Variants in IQSEC1 observed in about 807,000 individuals in gnomAD.
The protein encoded by IQSEC1 is IQ motif and Sec7 domain ArfGEF 1.
IQSEC1 carries 31 observed loss-of-function variants against 91.0 expected under a neutral mutation model. The ratio of observed to expected loss-of-function variants is 0.34; its 90% CI spans 0.26 to 0.46. IQSEC1 has a LOEUF of 0.46. Ranked by LOEUF, IQSEC1 falls within the 20% of genes least tolerant of loss-of-function variation. The pLI is 1.00. For synonymous variants in IQSEC1, 699 were observed against 662.6 expected, an observed-to-expected ratio of 1.05 and a Z score of -0.84; for missense variants, 1,388 against 1,575.6, an observed-to-expected ratio of 0.88 and a Z score of 2.02.
At chr3:13,047,462 G>A (rs1308513099) in intron 1 of IQSEC1, 13 of 985,152 alleles carry the variant, frequency 1.3e-5, no homozygotes, top group Non-Finnish European at 1.6e-5. Context: ...GGCTGGGGTG[G>A]ACGGCAAGAC....
At chr3:12,954,650 C>T (rs1699782981) in intron 1 of IQSEC1, among the ~76,000 whole-genome samples, 1 of 152,240 alleles carries the variant, frequency 6.6e-6, no homozygotes, top group Non-Finnish European at 1.5e-5. Flanking sequence ...ATTTCTGTCT[C>T]TCCCCTTGAG....
intron 1 of IQSEC1, among the ~76,000 whole-genome samples, chr3:12,993,703 T>C (rs1702097397): frequency 6.6e-6 from 1 of 152,088 alleles, no homozygotes; most frequent in Admixed American, 6.5e-5. Context: ...GGCTTCTGCG[T>C]CCTCACCGCT....
chr3:13,007,200 C>T (rs891716076), intron 1 of IQSEC1, among the ~76,000 whole-genome samples: 2 of 152,180 alleles, frequency 1.3e-5, no homozygotes, highest in African/African-American at 4.8e-5. Context: ...CAGACAGAGC[C>T]CAAGGCACTT....
At chr3:13,096,000 T>C (rs892114319) in intron 2 of IQSEC1, among the ~76,000 whole-genome samples, 4 of 152,186 alleles carry the variant, frequency 2.6e-5, no homozygotes, top group African/African-American at 7.2e-5. Context: ...CCAAGCTCCA[T>C]GGCTTCAATC....
intron 2 of IQSEC1, among the ~76,000 whole-genome samples, chr3:12,939,875 A>C (rs774901621): frequency 5.3e-5 from 8 of 152,162 alleles, no homozygotes; most frequent in Non-Finnish European, 1.2e-4. Flanking sequence ...CTGCCTCTGC[A>C]TTGCTAACTT....
rs999088211 is a variant in IQSEC1, at chr3:12,922,932, A to G, written c.1731-690T>C. Among the ~76,000 whole-genome samples, 2 of 152,104 alleles carry G rather than the reference A, an allele frequency of 1.3e-5. No individual in the cohort carries two copies. Among genetic ancestry groups the G allele is most frequent in the African/African-American group, 4.8e-5 (2 of 41,420 alleles). Reference sequence around the variant, plus strand: ...CTGAGGCAGGCTCCAGCTTCTGGCCAAGCTCCCTAATGATGCTGCGGTCAC... The same window carrying G: ...CTGAGGCAGGCTCCAGCTTCTGGCCGAGCTCCCTAATGATGCTGCGGTCAC... On this transcript the variant is annotated intron_variant, in intron 4 of 13. Coordinates refer to ENST00000613206, the MANE Select transcript of IQSEC1 (RefSeq NM_001134382.3). This position sits in a 1 kb window ranked among gnomAD's most constrained non-coding sequence, Gnocchi z 5.1.
chr3:13,268,176 G>A (rs1559290148), intron 1 of IQSEC1, among the ~76,000 whole-genome samples: 1 of 152,220 alleles, frequency 6.6e-6, no homozygotes, highest in African/African-American at 2.4e-5. Flanking sequence ...TCAGCCAGAG[G>A]AGGGCCACAG....
chr3:13,028,486 C>T (rs921441250), intron 1 of IQSEC1, among the ~76,000 whole-genome samples: 5 of 152,166 alleles, frequency 3.3e-5, no homozygotes, highest in African/African-American at 1.2e-4. Context: ...TGGGTAGAGG[C>T]TGTTTGGGGG....
intron 1 of IQSEC1, among the ~76,000 whole-genome samples, chr3:13,222,551 G>C (rs146614982): frequency 1.3e-5 from 2 of 152,140 alleles, no homozygotes; most frequent in Non-Finnish European, 2.9e-5. Context: ...CCACCACACC[G>C]TTTCCCACGG....
chr3:12,917,064 TTTTTTA>T (rs1432367771), intron 6 of IQSEC1, among the ~76,000 whole-genome samples: 1 of 152,176 alleles, frequency 6.6e-6, no homozygotes, highest in East Asian at 1.9e-4. Context: ...CCTTCCAGTA[TTTTTTA>T]TTTTTATTTT....
chr3:13,249,481 A>C (rs1183378686), intron 1 of IQSEC1, among the ~76,000 whole-genome samples: 1 of 151,796 alleles, frequency 6.6e-6, no homozygotes, highest in African/African-American at 2.4e-5. Context: ...CCTTTGGGGG[A>C]ATTTCTTATG....
At chr3:13,264,479 A>G (rs1219586513) in intron 1 of IQSEC1, among the ~76,000 whole-genome samples, 1 of 152,052 alleles carries the variant, frequency 6.6e-6, no homozygotes, top group African/African-American at 2.4e-5. Flanking sequence ...TCCAAGTCAA[A>G]CCGCATGGGA....
chr3:13,240,770 G>A (rs537778700), intron 1 of IQSEC1, among the ~76,000 whole-genome samples: 4 of 152,294 alleles, frequency 2.6e-5, no homozygotes, highest in South Asian at 4.1e-4. Context: ...TGAAAGACCC[G>A]GGAGGATGCA....
At chr3:13,039,059 G>A (rs1487003187) in intron 1 of IQSEC1, among the ~76,000 whole-genome samples, 2 of 152,338 alleles carry the variant, frequency 1.3e-5, no homozygotes, top group East Asian at 3.9e-4. Context: ...TGGGCGATGG[G>A]TATACTACTC....
At chr3:13,036,635 T>G (rs954960397) in intron 1 of IQSEC1, among the ~76,000 whole-genome samples, 1 of 151,932 alleles carries the variant, frequency 6.6e-6, no homozygotes, top group African/African-American at 2.4e-5. Flanking sequence ...ATCAGCGGTG[T>G]GGGGGGTGCC....
intron 1 of IQSEC1, among the ~76,000 whole-genome samples, chr3:12,972,250 T>C (rs1700942365): frequency 6.6e-6 from 1 of 150,992 alleles, no homozygotes; most frequent in African/African-American, 2.4e-5. Context: ...AGGTCAAGGC[T>C]GTGGTGAGCT....
At chr3:13,060,740 G>A (rs755128278) in intron 1 of IQSEC1, among the ~76,000 whole-genome samples, 1 of 152,336 alleles carries the variant, frequency 6.6e-6, no homozygotes, top group East Asian at 1.9e-4. Context: ...CCAGGACCGG[G>A]AGACTCATCA....
intron 3 of IQSEC1, among the ~76,000 whole-genome samples, chr3:12,933,102 G>C (rs1035125565): frequency 2.6e-5 from 4 of 152,262 alleles, no homozygotes; most frequent in African/African-American, 9.6e-5. Flanking sequence ...CTGTGCTGGA[G>C]GCCGGGCAAA....
chr3:13,189,207 C>CT (rs1693980701), intron 1 of IQSEC1, among the ~76,000 whole-genome samples: 1 of 152,226 alleles, frequency 6.6e-6, no homozygotes, highest in African/African-American at 2.4e-5. Context: ...TGCCAGCATC[C>CT]TTCCTGTGCC....
Sources: allele counts gnomAD v4.1 joint callset (sites outside exome capture counted in the v4.1 genomes callset), GRCh38; gene constraint gnomAD v4.1.1; non-coding constraint Gnocchi (gnomAD v3.1); transcripts MANE v1.5; gene names NCBI Gene and HGNC (gene_info 2026-07-23, HGNC 2026-07-21).